Variants in DLG2 observed in about 807,000 individuals in gnomAD.
DLG2 encodes discs large MAGUK scaffold protein 2.
A neutral mutation model predicts 132.5 loss-of-function variants in DLG2; 45 were observed. The ratio of observed to expected loss-of-function variants is 0.34; its 90% CI spans 0.27 to 0.44. DLG2 has a LOEUF of 0.44. Ranked by LOEUF, DLG2 falls within the 20% of genes least tolerant of loss-of-function variation. The probability of loss-of-function intolerance (pLI) is 1.00; values close to 1 mark genes in which losing one functional copy is unlikely to be tolerated. For missense variants in DLG2, 1,045 were observed against 1,196.9 expected (o/e 0.87, Z 1.87); for synonymous variants, 424 against 419.6 (o/e 1.01, Z -0.13).
intron 14 of DLG2, among the ~76,000 whole-genome samples, chr11:83,952,886 GAA>G (rs1203953754): frequency 5.3e-5 from 8 of 150,292 alleles, no homozygotes; most frequent in African/African-American, 2.0e-4. Flanking sequence ...TATAATCAGA[GAA>G]AATGAAATTA....
intron 3 of DLG2, among the ~76,000 whole-genome samples, chr11:85,568,497 C>T (rs1590870486): frequency 1.3e-5 from 2 of 152,280 alleles, no homozygotes; most frequent in Admixed American, 1.3e-4. Flanking sequence ...AAAGATTGCT[C>T]TTAATTCTTT....
chr11:84,606,432 G>T (rs2099585834), intron 6 of DLG2, among the ~76,000 whole-genome samples: 3 of 152,076 alleles, frequency 2.0e-5, no homozygotes, highest in South Asian at 2.1e-4. Flanking sequence ...TTTGTATGGT[G>T]GACCTCTTCT....
At chr11:84,940,796 A>G (rs1348116563) in intron 6 of DLG2, among the ~76,000 whole-genome samples, 1 of 152,148 alleles carries the variant, frequency 6.6e-6, no homozygotes, top group Non-Finnish European at 1.5e-5. Context: ...TCAAAAAATT[A>G]TTGCCCAGAC....
intron 6 of DLG2, among the ~76,000 whole-genome samples, chr11:84,539,548 T>C (rs964126468): frequency 1.3e-5 from 2 of 152,208 alleles, no homozygotes; most frequent in Admixed American, 6.5e-5. Flanking sequence ...TCTCCTCAGC[T>C]TGGTCTGTTG....
chr11:84,442,588 G>A (rs2099020645), intron 7 of DLG2, among the ~76,000 whole-genome samples: 1 of 151,996 alleles, frequency 6.6e-6, no homozygotes, highest in African/African-American at 2.4e-5. Context: ...TAGATGACAA[G>A]TTGATGGGTG....
intron 5 of DLG2, among the ~76,000 whole-genome samples, chr11:85,134,732 A>G (rs1594730070): frequency 6.6e-6 from 1 of 152,242 alleles, no homozygotes; most frequent in South Asian, 2.1e-4. Flanking sequence ...AGCACTGTTC[A>G]TAAAGATTTT....
chr11:85,464,166 T>G (rs1443425607), intron 3 of DLG2, among the ~76,000 whole-genome samples: 2 of 152,208 alleles, frequency 1.3e-5, no homozygotes, highest in African/African-American at 2.4e-5. Context: ...TACATCATGG[T>G]GCAGAATCTT....
At chr11:85,485,673 C>G (rs755050564) in intron 3 of DLG2, among the ~76,000 whole-genome samples, 10 of 152,194 alleles carry the variant, frequency 6.6e-5, no homozygotes, top group Non-Finnish European at 1.3e-4. Context: ...CAGGGTTCTA[C>G]ACTCTCACCG....
At chr11:83,780,264 T>C (rs948056318) in intron 18 of DLG2, among the ~76,000 whole-genome samples, 2 of 152,190 alleles carry the variant, frequency 1.3e-5, no homozygotes, top group Admixed American at 6.5e-5. Context: ...AAGGGATAAA[T>C]TGCATATTCA....
intron 7 of DLG2, among the ~76,000 whole-genome samples, chr11:84,511,001 A>G (rs1433951406): frequency 6.6e-6 from 1 of 152,188 alleles, no homozygotes; most frequent in Non-Finnish European, 1.5e-5. Flanking sequence ...ATCCTTCCCT[A>G]ATGTTTGGAA....
chr11:84,197,053 A>AAAAG (rs1566899230), intron 8 of DLG2, among the ~76,000 whole-genome samples: 7 of 148,464 alleles, frequency 4.7e-5, no homozygotes, highest in African/African-American at 1.7e-4. Context: ...AAAAAAAAAA[A>AAAAG]AAAGAAAGAA....
intron 3 of DLG2, among the ~76,000 whole-genome samples, chr11:85,343,031 G>C (rs1400335084): frequency 1.3e-5 from 2 of 150,030 alleles, no homozygotes; most frequent in Non-Finnish European, 2.9e-5. Flanking sequence ...TTCGTAATGT[G>C]AGTTTTTTCA....
At chr11:84,652,479 G>A (rs954250943) in intron 6 of DLG2, among the ~76,000 whole-genome samples, 6 of 152,064 alleles carry the variant, frequency 3.9e-5, no homozygotes, top group African/African-American at 1.5e-4. Context: ...GCAGGATCAT[G>A]TTTAAAGAAG....
At chr11:83,821,028 C>A (rs2050627674) in intron 17 of DLG2, among the ~76,000 whole-genome samples, 1 of 152,200 alleles carries the variant, frequency 6.6e-6, no homozygotes, top group South Asian at 2.1e-4. Flanking sequence ...GTTCTTTCAT[C>A]TAATTTATTC....
At chr11:84,799,260 C>T (rs1043884411) in intron 6 of DLG2, among the ~76,000 whole-genome samples, 2 of 152,162 alleles carry the variant, frequency 1.3e-5, no homozygotes, top group Non-Finnish European at 2.9e-5. Context: ...AGGGCTCTTC[C>T]TCTCTTGCTG....
intron 7 of DLG2, among the ~76,000 whole-genome samples, chr11:84,485,805 GGT>G (rs754986239): frequency 7.2e-5 from 11 of 152,104 alleles, no homozygotes; most frequent in Non-Finnish European, 1.5e-4. Flanking sequence ...AATCTGGTTA[GGT>G]TAGGTTTGTT....
intron 7 of DLG2, among the ~76,000 whole-genome samples, chr11:84,431,243 C>CTATATATTATATAGT (rs2098983824): frequency 1.3e-5 from 2 of 152,078 alleles, no homozygotes; most frequent in South Asian, 4.1e-4. Flanking sequence ...TATACGCAAA[C>CTATATATTATATAGT]ATACAGAAGC....
chr11:83,978,876 G>C (rs1309507507), intron 12 of DLG2, among the ~76,000 whole-genome samples: 1 of 152,116 alleles, frequency 6.6e-6, no homozygotes, highest in Non-Finnish European at 1.5e-5. Context: ...TGTTGCACAA[G>C]AGGCAGTATA....
chr11:83,666,526 T>A (rs968292128), intron 18 of DLG2, among the ~76,000 whole-genome samples: 1 of 152,130 alleles, frequency 6.6e-6, no homozygotes, highest in African/African-American at 2.4e-5. Flanking sequence ...GATGGAATAG[T>A]TTAATCCCAA....
Sources: gnomAD v4.1 joint callset for allele counts (sites outside exome capture counted in the v4.1 genomes callset) on GRCh38, gnomAD v4.1.1 for gene constraint, MANE v1.5 for transcripts, NCBI Gene and HGNC (gene_info 2026-07-23, HGNC 2026-07-21) for gene names.